The following UIMC1 variants were observed in gnomAD, a reference collection of about 807,000 sequenced individuals.
UIMC1 encodes ubiquitin interaction motif containing 1.
A neutral mutation model predicts 84.9 loss-of-function variants in UIMC1; 42 were observed. The observed-to-expected ratio is 0.49, with a 90% CI of 0.39 to 0.64. The LOEUF is 0.64. UIMC1 is among the 30% of genes least tolerant of loss of function. The pLI is 0.00. For synonymous variants in UIMC1, 281 were observed against 293.0 expected (o/e 0.96, Z 0.42); for missense variants, 825 against 847.6 (o/e 0.97, Z 0.33).
chr5:176,919,091 T>C, intron 10 of UIMC1: 2 of 251,598 alleles, frequency 7.9e-6, no homozygotes, highest in South Asian at 6.7e-5. Flanking sequence ...TTCTTTTTTA[T>C]TTAAATATAA....
intron 10 of UIMC1, among the ~76,000 whole-genome samples, chr5:176,939,230 C>T (rs983529928): frequency 7.0e-6 from 1 of 143,322 alleles, no homozygotes; most frequent in Non-Finnish European, 1.5e-5. Context: ...GTAATCCAGC[C>T]TGGGTGACAG....
At chr5:176,997,728 A>G (rs1581697834) in intron 1 of UIMC1, among the ~76,000 whole-genome samples, 1 of 148,448 alleles carries the variant, frequency 6.7e-6, no homozygotes, top group Non-Finnish European at 1.5e-5. Context: ...GTTTCCCACT[A>G]TTTTTATAGT....
chr5:176,939,875 G>C (rs1764201589), intron 10 of UIMC1, among the ~76,000 whole-genome samples: 1 of 152,144 alleles, frequency 6.6e-6, no homozygotes, highest in Non-Finnish European at 1.5e-5. Context: ...AAGCTATAAA[G>C]ACATATGATG....
intron 11 of UIMC1, among the ~76,000 whole-genome samples, 199 bp downstream of exon 11, chr5:176,911,112 G>GAA (rs1760105639): frequency 2.6e-5 from 3 of 116,978 alleles, no homozygotes; most frequent in Non-Finnish European, 3.5e-5. Context: ...GAGAGAGAGA[G>GAA]AAGAAAAGAA....
At chr5:176,907,876 T>C (rs573655399) in intron 12 of UIMC1, among the ~76,000 whole-genome samples, 1 of 152,326 alleles carries the variant, frequency 6.6e-6, no homozygotes, top group African/African-American at 2.4e-5. Flanking sequence ...AGAAAATGTA[T>C]TCTAAGGAAA....
At chr5:176,931,373 C>T (rs1763063698) in intron 10 of UIMC1, among the ~76,000 whole-genome samples, 1 of 152,028 alleles carries the variant, frequency 6.6e-6, no homozygotes, top group Non-Finnish European at 1.5e-5. Flanking sequence ...TGGGTATTAA[C>T]TCAGGTGTTA....
chr5:176,915,322 T>C (rs1760828932), intron 10 of UIMC1, among the ~76,000 whole-genome samples: 1 of 151,868 alleles, frequency 6.6e-6, no homozygotes, highest in African/African-American at 2.4e-5. Flanking sequence ...TGAATTAAAC[T>C]GTATCAATAG....
intron 10 of UIMC1, among the ~76,000 whole-genome samples, chr5:176,932,548 A>ACAGACAG (rs1561768302): frequency 2.7e-5 from 4 of 150,176 alleles, no homozygotes; most frequent in African/African-American, 9.7e-5. Context: ...CAGACAGACA[A>ACAGACAG]ACATCAGCAG....
intron 1 of UIMC1, among the ~76,000 whole-genome samples, chr5:177,000,434 T>C (rs1028251505): frequency 6.6e-6 from 1 of 152,002 alleles, no homozygotes; most frequent in African/African-American, 2.4e-5. Flanking sequence ...AGTTGTGACT[T>C]GCATTTCTCT....
chr5:176,994,807 C>T (rs1001995655), intron 1 of UIMC1, among the ~76,000 whole-genome samples: 1 of 152,138 alleles, frequency 6.6e-6, no homozygotes, highest in Non-Finnish European at 1.5e-5. Flanking sequence ...AATTAAATTG[C>T]GACAGGTCTC....
chr5:176,930,081 A>G (rs907384850), intron 10 of UIMC1, among the ~76,000 whole-genome samples: 2 of 152,234 alleles, frequency 1.3e-5, no homozygotes, highest in African/African-American at 2.4e-5. Context: ...TTATAATGTA[A>G]TATGTACAAA....
chr5:177,013,859 A>T (rs556689303), intron 1 of UIMC1, among the ~76,000 whole-genome samples: 190 of 152,284 alleles, frequency 1.2e-3, no homozygotes, highest in African/African-American at 4.4e-3. Context: ...ACATTTGTGA[A>T]GTGGTATCTA....
At chr5:176,976,815 T>C (rs752591837) in intron 2 of UIMC1, among the ~76,000 whole-genome samples, 38 of 152,244 alleles carry the variant, frequency 2.5e-4, no homozygotes, top group Non-Finnish European at 2.9e-4. Flanking sequence ...ATGGGTTTTT[T>C]CTGGGAGTAA....
At chr5:176,938,614 GACGA>G (rs1312307594) in intron 10 of UIMC1, among the ~76,000 whole-genome samples, 1 of 152,154 alleles carries the variant, frequency 6.6e-6, no homozygotes, top group African/African-American at 2.4e-5. Context: ...GGAAGATTAA[GACGA>G]AGCTATTGTT....
intron 10 of UIMC1, among the ~76,000 whole-genome samples, chr5:176,915,349 G>C (rs1225072739): frequency 6.6e-6 from 1 of 151,316 alleles, no homozygotes; most frequent in Non-Finnish European, 1.5e-5. Flanking sequence ...GGGGAAAAAA[G>C]AGCTCTTGTT....
In UIMC1 at chr5:176,912,412, C is replaced by T. The variant is rs554371383; in HGVS notation, c.1598-1023G>A. ...TAACCTTCTAGATCAACCTCCTACTCATATGAAAATGCCTTCTATAAACAT... is the reference window on the plus strand; with the variant it reads ...TAACCTTCTAGATCAACCTCCTACTTATATGAAAATGCCTTCTATAAACAT... On this transcript the variant is annotated intron_variant, in intron 10 of 14. Transcript: ENST00000511320. 1.6e-3 allele frequency among the ~76,000 whole-genome samples: 246 copies of T among 152,072 alleles called. 3 individuals carry two copies. Among genetic ancestry groups the T allele is most frequent in the Non-Finnish European group, 2.9e-3 (197 of 67,984 alleles).
At chr5:176,930,285 A>T (rs533148077) in intron 10 of UIMC1, among the ~76,000 whole-genome samples, 1 of 152,304 alleles carries the variant, frequency 6.6e-6, no homozygotes, top group South Asian at 2.1e-4. Context: ...ACCACAAATT[A>T]TTAAAAAATA....
chr5:176,986,114 G>C (rs1270646742), intron 1 of UIMC1, among the ~76,000 whole-genome samples: 2 of 151,458 alleles, frequency 1.3e-5, no homozygotes, highest in African/African-American at 2.4e-5. Context: ...TGTGTCTACA[G>C]GATAGAAGGC....
intron 1 of UIMC1, among the ~76,000 whole-genome samples, chr5:177,000,346 C>T (rs1046573271): frequency 6.6e-6 from 1 of 152,124 alleles, no homozygotes; most frequent in Non-Finnish European, 1.5e-5. Flanking sequence ...GTTCCCTTTA[C>T]CCCACATCCT....
Sources: gnomAD v4.1 joint callset for allele counts (sites outside exome capture counted in the v4.1 genomes callset) on GRCh38, gnomAD v4.1.1 for gene constraint, MANE v1.5 for transcripts, NCBI Gene and HGNC (gene_info 2026-07-23, HGNC 2026-07-21) for gene names.